PKD1L1: variants seen among roughly 807,000 people sequenced by gnomAD.
PKD1L1 encodes polycystin 1 like 1, transient receptor potential channel interacting.
A neutral mutation model predicts 323.4 loss-of-function variants in PKD1L1; 236 were observed. That is an observed-to-expected ratio of 0.73 (90% confidence interval 0.66 to 0.81). The LOEUF (loss-of-function observed/expected upper bound fraction) is 0.81, where lower values mean the gene tolerates loss of function less well. PKD1L1 is among the 40% of genes least tolerant of loss of function. The probability of loss-of-function intolerance (pLI) is 0.00; values close to 1 mark genes in which losing one functional copy is unlikely to be tolerated. For synonymous variants in PKD1L1, 1,344 were observed against 1,335.0 expected, an observed-to-expected ratio of 1.01 and a Z score of -0.15; for missense variants, 3,320 against 3,508.0, an observed-to-expected ratio of 0.95 and a Z score of 1.35.
intron 23 of PKD1L1, among the ~76,000 whole-genome samples, 163 bp from the exon 24 acceptor site, chr7:47,874,173 C>T (rs1358426859): frequency 2.0e-5 from 3 of 152,150 alleles, no homozygotes; most frequent in African/African-American, 4.8e-5. Flanking sequence ...AATACAAACT[C>T]GGCAATGGAC....
At chr7:47,948,511 A>T, upstream of PKD1L1, 1 of 1,468,402 alleles carries the variant, frequency 6.8e-7, no homozygotes, top group African/African-American at 1.4e-5. Context: ...TGGAAGACAA[A>T]GAAATAGAGC....
At chr7:47,959,941 G>A in the PKD1L1 span, among the ~76,000 whole-genome samples, 1 of 152,000 alleles carries the variant, frequency 6.6e-6, no homozygotes, top group African/African-American at 2.4e-5. Flanking sequence ...GGGAAAGGCG[G>A]GGAAAGGATT....
intron 13 of PKD1L1, among the ~76,000 whole-genome samples, chr7:47,899,938 A>C (rs532466112): frequency 1.7e-5 from 2 of 118,872 alleles, no homozygotes; most frequent in East Asian, 6.8e-4. Flanking sequence ...CCTAGGCAAC[A>C]GAGCGAGACT....
intron 26 of PKD1L1, among the ~76,000 whole-genome samples, chr7:47,864,452 T>C (rs535334930): frequency 1.3e-5 from 2 of 152,236 alleles, no homozygotes; most frequent in South Asian, 2.1e-4. Context: ...CAATGCCATG[T>C]GTTACCAATA....
chr7:47,876,874 G>T (rs2128745659), intron 22 of PKD1L1, among the ~76,000 whole-genome samples: 1 of 152,194 alleles, frequency 6.6e-6, no homozygotes, highest in East Asian at 1.9e-4. Flanking sequence ...CCGCCTCCTG[G>T]GTTCAAGCAA....
intron 55 of PKD1L1, chr7:47,795,301 T>C (rs1473864430): frequency 2.2e-6 from 1 of 454,474 alleles, no homozygotes; most frequent in South Asian, 1.6e-5. Context: ...ATTCTTGTGA[T>C]AGTGAAGAAG....
At chr7:47,826,342 A>G (rs1489905529) in intron 45 of PKD1L1, among the ~76,000 whole-genome samples, 3 of 151,938 alleles carry the variant, frequency 2.0e-5, no homozygotes, top group Non-Finnish European at 4.4e-5. Context: ...TAATTACTCT[A>G]TTTTTATGAG....
chr7:47,937,930 G>A (rs1247487672), intron 3 of PKD1L1, among the ~76,000 whole-genome samples: 1 of 152,138 alleles, frequency 6.6e-6, no homozygotes, highest in Non-Finnish European at 1.5e-5. Flanking sequence ...GTGGCACCAG[G>A]AAAGCAGGGA....
At chr7:47,892,836 CA>C (rs1786850569) in intron 15 of PKD1L1, among the ~76,000 whole-genome samples, 1 of 151,356 alleles carries the variant, frequency 6.6e-6, no homozygotes. Flanking sequence ...GCTCAAACCA[CA>C]ATGTACCGGG....
rs543638666 is a variant in PKD1L1, at chr7:47,895,538, G to A, written c.2272-1479C>T. On this transcript the variant is annotated intron_variant, in intron 14 of 56. Transcript: ENST00000289672. ...GGGGTAAGAGGAATTTCAGTTGAAT[G>A]CATTATCACATATTCACAGGATATA... 6.6e-5 allele frequency among the ~76,000 whole-genome samples: 10 copies of A among 152,268 alleles called. No individual in the cohort carries two copies. The South Asian group carries it at 2.1e-3, about 32-fold the overall frequency.
In PKD1L1 at chr7:47,884,579, G is replaced by A; in HGVS notation, c.3265+19C>T. The A allele has an allele frequency of 6.2e-7, 1 of 1,610,590 alleles. No homozygotes were observed. Among genetic ancestry groups the A allele is most frequent in the East Asian group, 2.2e-5 (1 of 44,872 alleles). ...GAGAGCTGAGTGGAGAGAGGCAGCA[G>A]GCATAGAAGCACAGTCACCTGGCTG... On this transcript the variant is annotated intron_variant, in intron 19 of 56. Coordinates refer to ENST00000289672, the MANE Select transcript of PKD1L1 (RefSeq NM_138295.5).
chr7:47,921,562 C>T (rs968864848), intron 7 of PKD1L1, among the ~76,000 whole-genome samples: 12 of 152,046 alleles, frequency 7.9e-5, no homozygotes, highest in South Asian at 2.1e-4. Context: ...AGTCATTATA[C>T]GAAAAAGATA....
At position 47,818,442 on chromosome 7, in the gene PKD1L1, A is replaced by G. The variant is rs1175172964; in HGVS notation, c.6965+2634T>C. Among the ~76,000 whole-genome samples the G allele has an allele frequency of 4.6e-5, 7 of 152,254 alleles. No individual in the cohort carries two copies. The East Asian group carries it at 1.3e-3, about 29-fold the overall frequency. Reference sequence around the variant, plus strand: ...TGTTTTTAAAGAATAAAGTATAGACATTATAGCCATGTTGAGTTTGCACCA... The same window carrying G: ...TGTTTTTAAAGAATAAAGTATAGACGTTATAGCCATGTTGAGTTTGCACCA... On this transcript the variant is annotated intron_variant, in intron 46 of 56. Transcript: ENST00000289672.
chr7:47,855,541 T>C (rs1383684596), intron 28 of PKD1L1, among the ~76,000 whole-genome samples: 1 of 152,166 alleles, frequency 6.6e-6, no homozygotes, highest in Admixed American at 6.5e-5. Context: ...GCAAAAGAAA[T>C]ATCTGCTCAT....
At chr7:47,900,308 T>C (rs1017086327) in intron 13 of PKD1L1, among the ~76,000 whole-genome samples, 1 of 152,176 alleles carries the variant, frequency 6.6e-6, no homozygotes, top group Non-Finnish European at 1.5e-5. Flanking sequence ...CAAAAACATC[T>C]CTAGGCTTGT....
intron 54 of PKD1L1, among the ~76,000 whole-genome samples, chr7:47,799,459 T>G (rs1449110587): frequency 6.6e-6 from 1 of 152,214 alleles, no homozygotes; most frequent in African/African-American, 2.4e-5. Context: ...TTAAATTTAC[T>G]GAACTTGCAG....
chr7:47,937,102 A>G (rs879738880), intron 3 of PKD1L1, 144 bp from the exon 4 acceptor site: 10 of 632,142 alleles, frequency 1.6e-5, no homozygotes, highest in Non-Finnish European at 2.2e-5. Flanking sequence ...GAGAAGCAAC[A>G]GCGAGGAAAG....
At chr7:47,896,230 G>A (rs1030356015) in intron 14 of PKD1L1, among the ~76,000 whole-genome samples, 4 of 151,000 alleles carry the variant, frequency 2.6e-5, no homozygotes, top group Non-Finnish European at 4.4e-5. Context: ...TCAGGAGGCT[G>A]AGGCAGAAGG....
chr7:47,777,999 T>C (rs1562925898), intron 56 of PKD1L1, among the ~76,000 whole-genome samples: 1 of 152,148 alleles, frequency 6.6e-6, no homozygotes, highest in African/African-American at 2.4e-5. Context: ...GCTTGGGCAG[T>C]GAGGGACAGA....
Sources: gnomAD v4.1 joint callset for allele counts (sites outside exome capture counted in the v4.1 genomes callset) on GRCh38, gnomAD v4.1.1 for gene constraint, MANE v1.5 for transcripts, NCBI Gene and HGNC (gene_info 2026-07-23, HGNC 2026-07-21) for gene names.